The following ABI2 variants were observed in gnomAD, a reference collection of about 807,000 sequenced individuals.
The protein encoded by ABI2 is abelson interactor 2.
In ABI2, 25 loss-of-function variants were observed where a neutral mutation model predicts 59.2. The observed-to-expected ratio is 0.42, with a 90% confidence interval of 0.31 to 0.59. The LOEUF is 0.59. Among genes scored for constraint, ABI2 ranks in the 20% least tolerant of loss-of-function variants. The probability of loss-of-function intolerance (pLI) is 0.14; values close to 1 mark genes in which losing one functional copy is unlikely to be tolerated. For missense variants in ABI2, 545 were observed against 681.8 expected (o/e 0.80, Z 2.23); for synonymous variants, 213 against 235.5 (o/e 0.90, Z 0.87).
chr2:203,380,473 T>A, intron 3 of ABI2, 89 bp downstream of exon 3: 1 of 842,158 alleles, frequency 1.2e-6, no homozygotes, highest in Non-Finnish European at 1.7e-6. Flanking sequence ...CTGTCTTTCT[T>A]TCCTAGAGGA....
chr2:203,368,715 TA>T (rs898214542), intron 2 of ABI2, among the ~76,000 whole-genome samples: 16 of 151,308 alleles, frequency 1.1e-4, no homozygotes, highest in African/African-American at 3.4e-4. Context: ...TATCTTAAGT[TA>T]AAAAAAAATT....
rs537326390 is a variant in ABI2 at position 203,355,008 on chromosome 2, A to G, written c.118-11869A>G. 4 of 212,444 alleles carry G rather than the reference A, an allele frequency of 1.9e-5. No homozygotes were observed. In the South Asian group the frequency reaches 2.8e-4, roughly 15 times the overall value. The allele number at this position is 212,444 out of a possible 1,614,324, so 13.2% of individuals were successfully genotyped here. A position where few individuals can be genotyped will look rare whatever the true frequency, so the allele number is the denominator to read the frequency against. ...AAGACATAAGTGTGTCCCCTTTGCC[A>G]TTCTCCAATCTGGATTGTCTGGATT... On this transcript the variant is annotated intron_variant, in intron 1 of 11. Coordinates refer to ENST00000261018, the MANE Select transcript of ABI2 (RefSeq NM_001375670.1).
intron 1 of ABI2, among the ~76,000 whole-genome samples, chr2:203,331,541 T>G (rs1242324651): frequency 6.6e-5 from 10 of 151,794 alleles, no homozygotes; most frequent in Admixed American, 6.6e-4. Context: ...GTATTTTTAG[T>G]AGAGACGGGA....
intron 4 of ABI2, among the ~76,000 whole-genome samples, chr2:203,388,701 A>ATAG (rs1241289577): frequency 3.3e-5 from 5 of 151,984 alleles, no homozygotes; most frequent in African/African-American, 1.2e-4. Flanking sequence ...AATAATAATA[A>ATAG]TAAATGTCCA....
chr2:203,403,145 T>C (rs930706697), intron 9 of ABI2, among the ~76,000 whole-genome samples: 1 of 152,202 alleles, frequency 6.6e-6, no homozygotes, highest in Non-Finnish European at 1.5e-5. Context: ...TACTTTGTGC[T>C]AGGGAATTAT....
chr2:203,396,942 T>C lies in ABI2; in HGVS notation c.1008T>C (p.Pro336=). The C allele has an allele frequency of 6.6e-7, 1 of 1,514,050 alleles. No homozygotes were observed. Among genetic ancestry groups the C allele is most frequent in the Non-Finnish European group, 8.8e-7 (1 of 1,137,756 alleles). The allele number at this position is 1,514,050 out of a possible 1,614,324, so 93.8% of individuals were successfully genotyped here. Residue 336 remains proline (P), a synonymous_variant, in exon 8 of 12, where the codon CCT becomes CCC. Transcript: ENST00000261018. The stretch of plus-strand genomic sequence containing the variant: ...ATGGCTTCACTTCTCCAACTCCCCC[T>C]GTTGTTTCTTCCACTCCCCCTACAG... The part of the protein sequence containing the change: ...LADGFTSPTP[P]VVSSTPPTGH...
chr2:203,398,301 C>T (rs2097089462), intron 8 of ABI2, among the ~76,000 whole-genome samples: 2 of 152,010 alleles, frequency 1.3e-5, no homozygotes, highest in African/African-American at 4.8e-5. Flanking sequence ...TCGTTATGCT[C>T]CTGCTTTGAT....
intron 8 of ABI2, among the ~76,000 whole-genome samples, chr2:203,397,398 A>G (rs2097048275): frequency 6.6e-6 from 1 of 152,210 alleles, no homozygotes; most frequent in Non-Finnish European, 1.5e-5. Context: ...TTTTTAACAG[A>G]ATCTGTTGCT....
chr2:203,404,278 C>CT (rs2097339983), intron 9 of ABI2, among the ~76,000 whole-genome samples: 1 of 152,140 alleles, frequency 6.6e-6, no homozygotes, highest in South Asian at 2.1e-4. Flanking sequence ...TTCCAAATCC[C>CT]TTCACTGTTC....
intron 11 of ABI2, among the ~76,000 whole-genome samples, chr2:203,418,444 C>A (rs1295003818): frequency 6.6e-6 from 1 of 152,226 alleles, no homozygotes; most frequent in African/African-American, 2.4e-5. Context: ...TTCAGGCTCA[C>A]TCGTGGTTAT....
chr2:203,409,483 T>TA (rs898993576), intron 9 of ABI2, among the ~76,000 whole-genome samples: 1 of 152,196 alleles, frequency 6.6e-6, no homozygotes, highest in Admixed American at 6.5e-5. Context: ...CTCCCTGACT[T>TA]ACCTGTTTAC....
intron 9 of ABI2, among the ~76,000 whole-genome samples, chr2:203,407,082 T>TG (rs1204967635): frequency 6.6e-6 from 1 of 152,208 alleles, no homozygotes; most frequent in Non-Finnish European, 1.5e-5. Flanking sequence ...GGAGTTGAGC[T>TG]GAAAACAAAC....
At chr2:203,361,248 C>T (rs938984613) in intron 1 of ABI2, among the ~76,000 whole-genome samples, 2 of 152,128 alleles carry the variant, frequency 1.3e-5, no homozygotes, top group African/African-American at 4.8e-5. Flanking sequence ...GGTCATGTGT[C>T]CCTTCCTGAG....
chr2:203,396,811 C>T lies in ABI2; in HGVS notation c.877C>T (p.Pro293Ser), dbSNP rs2097013192. ...CCCTGCTGGCTCTGCTGGCACTCCTCCCCTTCCTGCTACTTCTGCATCTGC... is the reference window on the plus strand; with the variant it reads ...CCCTGCTGGCTCTGCTGGCACTCCTTCCCTTCCTGCTACTTCTGCATCTGC... The part of the protein sequence containing the change: ...PAPAGSAGTP[P>S]LPATSASAPA... The change falls in exon 8 of 12, where the codon CCC becomes TCC. Residue 293 changes from proline (P) to serine (S), a missense_variant. Pro to Ser is a moderately conservative substitution (Grantham distance 74). Transcript: ENST00000261018. The T allele has an allele frequency of 6.5e-7, 1 of 1,533,438 alleles. No individual in the cohort carries two copies. Among genetic ancestry groups the T allele is most frequent in the African/African-American group, 1.4e-5 (1 of 72,912 alleles). 95.0% of individuals were successfully genotyped at this position (1,533,438 alleles called of 1,614,324 possible).
chr2:203,331,304 T>C (rs368740855), intron 1 of ABI2, among the ~76,000 whole-genome samples: 1 of 151,460 alleles, frequency 6.6e-6, no homozygotes, highest in African/African-American at 2.4e-5. Flanking sequence ...CTGCAGTAGA[T>C]GAAAGTTAAT....
intron 2 of ABI2, among the ~76,000 whole-genome samples, chr2:203,371,765 A>G (rs945559866): frequency 2.6e-5 from 4 of 152,150 alleles, no homozygotes; most frequent in Non-Finnish European, 5.9e-5. Context: ...AAGTCAGTAT[A>G]GTGTAACATT....
At position 203,395,797 on chromosome 2, in the gene ABI2, G is replaced by A; in HGVS notation, c.850+17G>A. 6.4e-7 allele frequency: 1 copy of A among 1,567,644 alleles called. No homozygotes were observed. Among genetic ancestry groups the A allele is most frequent in the Non-Finnish European group, 8.7e-7 (1 of 1,155,912 alleles). On this transcript the variant is annotated intron_variant, in intron 7 of 11. Coordinates refer to ENST00000261018, the MANE Select transcript of ABI2 (RefSeq NM_001375670.1). ...TCTTTCCAGGTAAAACATTCATGGT[G>A]CCTCGTCTTCACTTTTCCTTTCTGA...
intron 2 of ABI2, among the ~76,000 whole-genome samples, chr2:203,368,302 T>G (rs111659553): frequency 6.6e-6 from 1 of 152,292 alleles, no homozygotes; most frequent in Non-Finnish European, 1.5e-5. Context: ...GCCTCCCTTT[T>G]TTTGAATAGA....
chr2:203,374,640 TAAAA>T (rs1290891609), intron 2 of ABI2, among the ~76,000 whole-genome samples: 1 of 152,100 alleles, frequency 6.6e-6, no homozygotes, highest in African/African-American at 2.4e-5. Flanking sequence ...TCACTTTATA[TAAAA>T]AAACTGAAAA....
Sources: gnomAD v4.1 joint callset for allele counts (sites outside exome capture counted in the v4.1 genomes callset) on GRCh38, gnomAD v4.1.1 for gene constraint, MANE v1.5 for transcripts, NCBI Gene and HGNC (gene_info 2026-07-23, HGNC 2026-07-21) for gene names.